Variants in SLC7A2 observed in about 807,000 individuals in gnomAD.
The protein encoded by SLC7A2 is solute carrier family 7 member 2.
Under a neutral mutation model 58.9 loss-of-function variants are expected in SLC7A2, and 48 were observed. The ratio of observed to expected loss-of-function variants is 0.82; its 90% CI spans 0.65 to 1.04. SLC7A2 has a LOEUF of 1.04. SLC7A2 is among the 50% of genes least tolerant of loss of function. SLC7A2 has a pLI of 0.00. For missense variants in SLC7A2, 1,029 were observed against 818.8 expected (o/e 1.26, Z -3.13); for synonymous variants, 363 against 314.5 (o/e 1.15, Z -1.63).
At chr8:17,559,138 G>A (rs2588250) in intron 9 of SLC7A2, among the ~76,000 whole-genome samples, 57,426 of 151,850 alleles carry the variant, frequency 0.38, 10,963 homozygotes, top group East Asian at 0.47. Context: ...TTATTTTCAA[G>A]GATAAGTAAA....
chr8:17,518,118 G>C (rs1281813074), intron 2 of SLC7A2, among the ~76,000 whole-genome samples: 1 of 151,904 alleles, frequency 6.6e-6, no homozygotes, highest in East Asian at 1.9e-4. Context: ...TCAAAGTCTG[G>C]GGTACAGTGG....
intron 5 of SLC7A2, among the ~76,000 whole-genome samples, chr8:17,549,208 G>A (rs1266537967): frequency 6.6e-6 from 1 of 152,218 alleles, no homozygotes; most frequent in Non-Finnish European, 1.5e-5. Flanking sequence ...CATGGGAACT[G>A]TGGGAGCCAC....
chr8:17,507,182 T>A (rs1263147694), intron 2 of SLC7A2, among the ~76,000 whole-genome samples: 1 of 152,102 alleles, frequency 6.6e-6, no homozygotes, highest in Admixed American at 6.6e-5. Context: ...GCTGACCTTG[T>A]GATCCACCCG....
rs753193451 is a variant in SLC7A2 at position 17,550,395 on chromosome 8, T to C, written c.793T>C (p.Phe265Leu). ...AACGTTGGCTGGTGCTGCAACTTGC[T>C]TTTATGCCTTTGTGGGATTTGACTG... ...TGTLAGAATCFYAFVGFDCIA... is the reference protein window; with the variant it reads ...TGTLAGAATCLYAFVGFDCIA... Residue 265 changes from phenylalanine to leucine, a missense_variant, in exon 6 of 13, where the codon TTT (phenylalanine) becomes CTT (leucine). Coordinates refer to ENST00000494857, the MANE Select transcript of SLC7A2 (RefSeq NM_001370338.1). The C allele has an allele frequency of 6.2e-7, 1 of 1,613,984 alleles. No homozygotes were observed.
chr8:17,499,285 T>A (rs1800063128), intron 1 of SLC7A2: 1 of 150,088 alleles, frequency 6.7e-6, no homozygotes, highest in African/African-American at 2.5e-5. Context: ...TCCCTCTCTA[T>A]CCCTCTTTCC....
chr8:17,519,315 C>T (rs1800923348), intron 2 of SLC7A2, among the ~76,000 whole-genome samples: 1 of 152,150 alleles, frequency 6.6e-6, no homozygotes, highest in Non-Finnish European at 1.5e-5. Context: ...AATGTTAGCT[C>T]TCAGTAGTAG....
chr8:17,503,411 G>T (rs542883262), intron 2 of SLC7A2, among the ~76,000 whole-genome samples: 1 of 152,232 alleles, frequency 6.6e-6, no homozygotes, highest in South Asian at 2.1e-4. Context: ...TTTAGATCGC[G>T]AGTTTTTTCC....
rs747857088 is a variant in SLC7A2 at position 17,560,409 on chromosome 8, G to T, written c.1380G>T (p.Ser460=). 2 of 1,614,092 alleles carry T rather than the reference G, an allele frequency of 1.2e-6. No homozygotes were observed. The highest frequency in any genetic ancestry group is 2.2e-5 in the East Asian group (1 of 44,884). Residue 460 remains serine (S), a synonymous_variant, in exon 10 of 13, where the codon TCG becomes TCT. Transcript: ENST00000494857. ...TGGGATCGTCTCCCAGGGTAACCTC[G>T]AAGAGTGAGTCCCAGGTCACCATGC... ...DGLGSSPRVT[S]KSESQVTMLQ...
upstream of SLC7A2, among the ~76,000 whole-genome samples, chr8:17,496,232 G>A (rs117676052): frequency 4.4e-3 from 665 of 152,272 alleles, 15 homozygotes; most frequent in Admixed American, 0.034. Flanking sequence ...TGAGGCGGGA[G>A]GATAGCTTGA....
intron 2 of SLC7A2, among the ~76,000 whole-genome samples, chr8:17,539,934 A>G (rs1801838775): frequency 6.6e-6 from 1 of 152,114 alleles, no homozygotes. Flanking sequence ...TCATATGGGG[A>G]GCTTATCTTT....
chr8:17,558,060 A>G (rs1802791832), intron 8 of SLC7A2, among the ~76,000 whole-genome samples: 1 of 152,186 alleles, frequency 6.6e-6, no homozygotes, highest in South Asian at 2.1e-4. Context: ...TAATCCAAGT[A>G]GAATGCGCCT....
chr8:17,555,150 T>C (rs1802634750), intron 8 of SLC7A2: 12 of 1,478,350 alleles, frequency 8.1e-6, no homozygotes, highest in Non-Finnish European at 1.1e-5. Context: ...CATGGACTTA[T>C]AAAGAGGGTC....
At chr8:17,495,314 A>G (rs1397735364), upstream of SLC7A2, among the ~76,000 whole-genome samples, 2 of 152,160 alleles carry the variant, frequency 1.3e-5, no homozygotes. Flanking sequence ...TAGACAAAGT[A>G]TCTGAGTCAT....
At chr8:17,510,027 C>T (rs1800537309) in intron 2 of SLC7A2, among the ~76,000 whole-genome samples, 1 of 152,070 alleles carries the variant, frequency 6.6e-6, no homozygotes, top group Admixed American at 6.5e-5. Flanking sequence ...TGAGACCAGC[C>T]TGAACAACAT....
chr8:17,552,068 T>A, intron 7 of SLC7A2, 82 bp downstream of exon 7: 2 of 1,030,918 alleles, frequency 1.9e-6, no homozygotes, highest in African/African-American at 1.6e-5. Context: ...TTTGTCTGTT[T>A]AAAAAGTATC....
chr8:17,507,082 C>G (rs1327558549), intron 2 of SLC7A2, among the ~76,000 whole-genome samples: 1 of 151,874 alleles, frequency 6.6e-6, no homozygotes, highest in Non-Finnish European at 1.5e-5. Flanking sequence ...GTAGCTGGGA[C>G]CATAGGCGGG....
intron 4 of SLC7A2, 68 bp downstream of exon 4, chr8:17,544,674 T>G (rs972835971): frequency 6.9e-7 from 1 of 1,440,714 alleles, no homozygotes; most frequent in African/African-American, 1.4e-5. Flanking sequence ...ATAGGTTACT[T>G]CTGAATTTGG....
intron 2 of SLC7A2, among the ~76,000 whole-genome samples, chr8:17,503,073 C>T (rs1412265819): frequency 6.6e-6 from 1 of 151,766 alleles, no homozygotes; most frequent in Non-Finnish European, 1.5e-5. Context: ...TTTTTTGAGA[C>T]AGAGTCTCAC....
chr8:17,515,306 T>C (rs571637998), intron 2 of SLC7A2, among the ~76,000 whole-genome samples: 19 of 151,962 alleles, frequency 1.3e-4, no homozygotes, highest in Admixed American at 1.0e-3. Context: ...TTTCTTTTTT[T>C]TTTTTTTTAA....
Sources: gnomAD v4.1 joint callset for allele counts (sites outside exome capture counted in the v4.1 genomes callset) on GRCh38, gnomAD v4.1.1 for gene constraint, MANE v1.5 for transcripts, NCBI Gene and HGNC (gene_info 2026-07-23, HGNC 2026-07-21) for gene names.